Variants in NTRK3 observed in about 807,000 individuals in gnomAD.
NTRK3 encodes the protein neurotrophic receptor tyrosine kinase 3, also known as NT-3 growth factor receptor.
NTRK3 carries 24 observed loss-of-function variants against 91.7 expected under a neutral mutation model. The ratio of observed to expected loss-of-function variants is 0.26; its 90% CI spans 0.19 to 0.37. The LOEUF (loss-of-function observed/expected upper bound fraction) is 0.37, where lower values mean the gene tolerates loss of function less well. Ranked by LOEUF, NTRK3 falls within the 10% of genes least tolerant of loss-of-function variation. The pLI is 1.00. For missense variants in NTRK3, 880 were observed against 1,068.9 expected (o/e 0.82, Z 2.46); for synonymous variants, 483 against 404.0 (o/e 1.20, Z -2.34).
At chr15:88,215,413 T>C (rs1029523569) in intron 3 of NTRK3, among the ~76,000 whole-genome samples, 5 of 152,200 alleles carry the variant, frequency 3.3e-5, no homozygotes, top group Non-Finnish European at 2.9e-5. Context: ...CGTGTAGGCA[T>C]TCATTCCAGC....
intron 14 of NTRK3, among the ~76,000 whole-genome samples, chr15:87,971,223 C>T (rs542257734): frequency 6.6e-6 from 1 of 152,294 alleles, no homozygotes; most frequent in Non-Finnish European, 1.5e-5. Flanking sequence ...AGGAAACAGA[C>T]TCAAGTTCTC....
chr15:88,254,318 G>A (rs756705683), intron 3 of NTRK3, among the ~76,000 whole-genome samples: 16 of 152,134 alleles, frequency 1.1e-4, no homozygotes, highest in Non-Finnish European at 1.8e-4. Context: ...GGAAGCCTGT[G>A]GCCTGCAGTG....
chr15:87,870,193 C>A (rs917392065), exon 19 of NTRK3: 1 of 184,832 alleles, frequency 5.4e-6, no homozygotes, highest in Non-Finnish European at 1.1e-5. Flanking sequence ...CACACACACA[C>A]ACACACACAC....
At chr15:88,154,992 T>C (rs902216066) in intron 5 of NTRK3, among the ~76,000 whole-genome samples, 1 of 152,150 alleles carries the variant, frequency 6.6e-6, no homozygotes, top group African/African-American at 2.4e-5. Context: ...CTAGAGCCTG[T>C]AGGTCGGCAG....
chr15:87,931,501 C>G lies in NTRK3; in HGVS notation c.1889+1511G>C, dbSNP rs151327839. Among the ~76,000 whole-genome samples, 440 of 152,302 alleles carry G rather than the reference C, an allele frequency of 2.9e-3. 3 individuals carry two copies. The highest frequency in any genetic ancestry group is 0.01 in the African/African-American group (419 of 41,566). On this transcript the variant is annotated intron_variant, in intron 16 of 18. Transcript: ENST00000394480. Reference sequence around the variant, plus strand: ...TACTCATAGCAACAACCCCGTGAAGCAGTTATTAATAGTCGTGTTTTCTAG... The same window carrying G: ...TACTCATAGCAACAACCCCGTGAAGGAGTTATTAATAGTCGTGTTTTCTAG...
At chr15:88,073,777 AC>A (rs145193852) in intron 13 of NTRK3, among the ~76,000 whole-genome samples, 1 of 149,474 alleles carries the variant, frequency 6.7e-6, no homozygotes, top group Non-Finnish European at 1.5e-5. Flanking sequence ...GTGCTGCAAC[AC>A]CCCCCCGCCC....
intron 14 of NTRK3, among the ~76,000 whole-genome samples, chr15:87,954,592 GA>G (rs1434496180): frequency 2.6e-5 from 4 of 151,140 alleles, no homozygotes; most frequent in Admixed American, 6.6e-5. Flanking sequence ...CCAGTCATAG[GA>G]AAAAAAAATA....
chr15:88,213,296 A>C (rs1206530516), intron 3 of NTRK3, among the ~76,000 whole-genome samples: 1 of 152,188 alleles, frequency 6.6e-6, no homozygotes, highest in Non-Finnish European at 1.5e-5. Flanking sequence ...TTAGGTTCAC[A>C]GCTCTTCTCC....
chr15:88,094,528 G>A (rs1221056220), intron 13 of NTRK3, among the ~76,000 whole-genome samples: 4 of 148,014 alleles, frequency 2.7e-5, no homozygotes, highest in African/African-American at 5.0e-5. Flanking sequence ...TGCCAGCAGC[G>A]TCCCCAAAGC....
chr15:88,192,834 G>A (rs549548444), intron 3 of NTRK3, among the ~76,000 whole-genome samples: 53 of 152,100 alleles, frequency 3.5e-4, no homozygotes, highest in South Asian at 4.2e-4. Context: ...TCACCTTCTC[G>A]GAGAAGCCTG....
chr15:87,879,743 A>C (rs1279201855), intron 18 of NTRK3, among the ~76,000 whole-genome samples: 1 of 152,240 alleles, frequency 6.6e-6, no homozygotes, highest in African/African-American at 2.4e-5. Context: ...CAGTAAACAT[A>C]CTAATAAACA....
At chr15:88,037,145 TA>T (rs1316773931) in intron 13 of NTRK3, among the ~76,000 whole-genome samples, 1 of 152,122 alleles carries the variant, frequency 6.6e-6, no homozygotes, top group Non-Finnish European at 1.5e-5. Flanking sequence ...GATAAAAGAA[TA>T]AAGCCAGACA....
chr15:88,234,879 C>T lies in NTRK3; in HGVS notation c.248+21027G>A, dbSNP rs532439696. ...ACTCCCACCAGCGCACCCTACTCAG[C>T]CCTGCTCCCAGGGCCTCCTATCCAG... On this transcript the variant is annotated intron_variant, in intron 3 of 18. Coordinates refer to ENST00000394480, the Ensembl canonical transcript of NTRK3. The surrounding 1 kb of genome is among the most constrained non-coding windows in gnomAD (Gnocchi z 6.1). Among the ~76,000 whole-genome samples the T allele has an allele frequency of 2.6e-5, 4 of 152,296 alleles. No homozygotes were observed. The highest frequency in any genetic ancestry group is 4.1e-4 in the South Asian group (2 of 4,824).
chr15:87,877,153 C>G (rs1021028312), intron 18 of NTRK3, 33 bp from the exon 20 acceptor site: 1 of 1,609,932 alleles, frequency 6.2e-7, no homozygotes, highest in South Asian at 1.1e-5. Context: ...GAAGTTACAC[C>G]CAAAGCTCAG....
intron 6 of NTRK3, among the ~76,000 whole-genome samples, chr15:88,142,131 C>A (rs535844097): frequency 6.6e-6 from 1 of 152,322 alleles, no homozygotes; most frequent in East Asian, 1.9e-4. Context: ...GTGAGGTGGG[C>A]AAGAAGCAAA....
chr15:88,238,656 C>G (rs2052031197), intron 3 of NTRK3, among the ~76,000 whole-genome samples: 1 of 152,220 alleles, frequency 6.6e-6, no homozygotes, highest in Admixed American at 6.5e-5. Context: ...TGTCACTCTG[C>G]AACTTATTAT....
At chr15:87,998,083 T>C (rs893870937) in intron 14 of NTRK3, among the ~76,000 whole-genome samples, 3 of 152,204 alleles carry the variant, frequency 2.0e-5, no homozygotes, top group Middle Eastern at 3.2e-3. Flanking sequence ...GTCCTGAGCA[T>C]TGTGGGATAT....
chr15:88,144,720 C>A (rs980018315), intron 6 of NTRK3, among the ~76,000 whole-genome samples: 2 of 152,168 alleles, frequency 1.3e-5, no homozygotes, highest in African/African-American at 4.8e-5. Context: ...ACACTGCTAC[C>A]TCCCTGTAGG....
chr15:87,918,673 C>T (rs1275818280), intron 17 of NTRK3, among the ~76,000 whole-genome samples: 1 of 152,218 alleles, frequency 6.6e-6, no homozygotes, highest in East Asian at 1.9e-4. Flanking sequence ...CTTATATTCC[C>T]TATGAGATTT....
Sources: gnomAD v4.1 joint callset for allele counts (sites outside exome capture counted in the v4.1 genomes callset) on GRCh38, gnomAD v4.1.1 for gene constraint, Gnocchi (gnomAD v3.1) non-coding constraint, MANE v1.5 for transcripts, NCBI Gene and HGNC (gene_info 2026-07-23, HGNC 2026-07-21) for gene names.